The following GGA3 variants were observed in gnomAD, a reference collection of about 807,000 sequenced individuals.
The protein encoded by GGA3 is golgi associated, gamma adaptin ear containing, ARF binding protein 3.
A neutral mutation model predicts 77.5 loss-of-function variants in GGA3; 57 were observed. The ratio of observed to expected loss-of-function variants is 0.74; its 90% CI spans 0.59 to 0.92. The LOEUF is 0.92. Ranked by LOEUF, GGA3 falls within the 40% of genes least tolerant of loss-of-function variation. The probability of loss-of-function intolerance (pLI) is 0.00; values close to 1 mark genes in which losing one functional copy is unlikely to be tolerated. For missense variants in GGA3, 970 were observed against 914.9 expected (o/e 1.06, Z -0.78); for synonymous variants, 416 against 383.7 (o/e 1.08, Z -0.98).
intron 1 of GGA3, among the ~76,000 whole-genome samples, chr17:75,250,368 G>A (rs146786838): frequency 2.6e-4 from 40 of 152,218 alleles, no homozygotes; most frequent in African/African-American, 6.3e-4. Flanking sequence ...TCACTCCATC[G>A]CTAGCCTACT....
rs781196840 is a variant in GGA3 at position 75,242,081 on chromosome 17, C to T, written c.747+255G>A. ...AAAGGGAGAGAGCAGGGGTGAGCAC[C>T]GAGAGTGTGGTCTCTGGAGTCAGAC... On this transcript the variant is annotated intron_variant, in intron 8 of 16. Coordinates refer to ENST00000537686, the MANE Select transcript of GGA3 (RefSeq NM_138619.4). The T allele has an allele frequency of 9.2e-5, 53 of 575,404 alleles. 1 individual carries two copies. Among genetic ancestry groups the T allele is most frequent in the South Asian group, 2.4e-4 (12 of 49,268 alleles). 35.6% of individuals were successfully genotyped at this position (575,404 alleles called of 1,614,324 possible). A position where few individuals can be genotyped will look rare whatever the true frequency, so the allele number is the denominator to read the frequency against.
rs76985314 is a variant in GGA3, at chr17:75,255,548, C to T, written c.40+6000G>A. On this transcript the variant is annotated intron_variant, in intron 1 of 16. Transcript: ENST00000537686. The stretch of plus-strand genomic sequence containing the variant: ...CATTAAAACCTAATCACCCTTACCC[C>T]GCTCAATGCCAATATCCCATCCCAC... Among the ~76,000 whole-genome samples, 17 of 152,322 alleles carry T rather than the reference C, an allele frequency of 1.1e-4. No individual in the cohort carries two copies. The South Asian group carries it at 1.4e-3, about 13-fold the overall frequency.
At chr17:75,243,295 ACCTTAT>A (rs2076639037) in intron 5 of GGA3, 129 bp from the exon 6 acceptor site, 1 of 1,133,002 alleles carries the variant, frequency 8.8e-7, no homozygotes, top group African/African-American at 1.5e-5. Context: ...AGGCTGCTAC[ACCTTAT>A]CCCATCCAAC....
chr17:75,254,210 T>C (rs1034945982), intron 1 of GGA3, among the ~76,000 whole-genome samples: 6 of 152,030 alleles, frequency 3.9e-5, no homozygotes, highest in African/African-American at 1.5e-4. Flanking sequence ...CCATCTGACC[T>C]TTCCCCTTCT....
intron 1 of GGA3, among the ~76,000 whole-genome samples, chr17:75,249,527 T>C (rs2076887281): frequency 6.6e-6 from 1 of 152,226 alleles, no homozygotes; most frequent in African/African-American, 2.4e-5. Context: ...ACATTCCAAA[T>C]GCCAAGTCTC....
chr17:75,262,251 A>G, upstream of GGA3: 2 of 634,998 alleles, frequency 3.1e-6, no homozygotes, highest in South Asian at 3.9e-5. Context: ...GTGAATTGGG[A>G]TGGGTGTGTA....
chr17:75,239,218 C>A, intron 14 of GGA3, 135 bp from the exon 15 acceptor site: 1 of 979,016 alleles, frequency 1.0e-6, no homozygotes, highest in Non-Finnish European at 1.5e-6. Flanking sequence ...GAGAGGCGCT[C>A]AGTGAGGAGC....
At chr17:75,258,036 C>G (rs1054902763) in intron 1 of GGA3, among the ~76,000 whole-genome samples, 1 of 152,166 alleles carries the variant, frequency 6.6e-6, no homozygotes, top group Non-Finnish European at 1.5e-5. Flanking sequence ...TAATCTCCCC[C>G]ACCCTTAAGA....
In GGA3 at chr17:75,237,356, C is replaced by CCACACCACATGCCATCTGGTGA; in HGVS notation, c.*901_*922dup. 1.2e-6 allele frequency: 1 copy of CCACACCACATGCCATCTGGTGA among 848,364 alleles called. No homozygotes were observed. The highest frequency in any genetic ancestry group is 1.5e-5 in the South Asian group (1 of 68,746). The allele number at this position is 848,364 out of a possible 1,614,324, so 52.6% of individuals were successfully genotyped here. A position where few individuals can be genotyped will look rare whatever the true frequency, so the allele number is the denominator to read the frequency against. On this transcript the variant is annotated 3_prime_UTR_variant, in exon 17 of 17. Transcript: ENST00000537686. Reference sequence around the variant, plus strand: ...GGCCTCCTGTGTCCAGCCACAGGTGCCACACCACATGCCATCTGGTGAGAG... The same window carrying CCACACCACATGCCATCTGGTGA: ...GGCCTCCTGTGTCCAGCCACAGGTGCCACACCACATGCCATCTGGTGACACACCACATGCCATCTGGTGAGAG...
intron 1 of GGA3, among the ~76,000 whole-genome samples, chr17:75,258,826 T>TTG (rs1167241315): frequency 0.013 from 46 of 3,652 alleles, no homozygotes; most frequent in Non-Finnish European, 0.072. Flanking sequence ...CCATCTAGTG[T>TTG]TTTTTTTTTT....
At chr17:75,239,301 T>C in intron 14 of GGA3, 74 bp downstream of exon 14, 2 of 1,294,426 alleles carry the variant, frequency 1.5e-6, no homozygotes, top group Admixed American at 4.7e-5. Flanking sequence ...CCTGGATCCA[T>C]CCCTGTCGCA....
At position 75,241,645 on chromosome 17, in the gene GGA3, T is replaced by C. The variant is rs372544184; in HGVS notation, c.799A>G (p.Ser267Gly). 1.8e-5 allele frequency: 29 copies of C among 1,614,186 alleles called. No homozygotes were observed. The highest frequency in any genetic ancestry group is 2.4e-5 in the Non-Finnish European group (28 of 1,179,986). Residue 267 changes from serine to glycine, a missense_variant, in exon 9 of 17, where the codon AGT (serine) becomes GGT (glycine). Ser to Gly is a moderately conservative substitution (Grantham distance 56). Coordinates refer to ENST00000537686, the MANE Select transcript of GGA3 (RefSeq NM_138619.4). ...NKRRTLFKLA[S>G]ETEDNDNSLG... ...CTGTTATCATTGTCCTCAGTCTCAC[T>C]GGCGAGTTTAAATAAAGTCCGCCTC...
intron 13 of GGA3, 92 bp downstream of exon 13, chr17:75,239,697 T>A: frequency 6.6e-7 from 1 of 1,508,450 alleles, no homozygotes; most frequent in Non-Finnish European, 9.2e-7. Flanking sequence ...CTGATGGGAC[T>A]ACAAGGCACC....
Position 75,241,016 on chromosome 17 carries a change from C to A in GGA3, c.988G>T (p.Ala330Ser), listed in dbSNP as rs919471299. 8 of 1,613,980 alleles carry A rather than the reference C, an allele frequency of 5.0e-6. No individual in the cohort carries two copies. Among genetic ancestry groups the A allele is most frequent in the Admixed American group, 1.7e-5 (1 of 60,002 alleles). The change falls in exon 11 of 17, where the codon GCG (alanine) becomes TCG (serine). Residue 330 changes from alanine to serine, a missense_variant. By Grantham distance (99) the Ala-to-Ser change is moderately conservative. Coordinates refer to ENST00000537686, the MANE Select transcript of GGA3 (RefSeq NM_138619.4). ...AAACTGTTGGTCGTGTCCAGCTCCG[C>A]AAGGTCGATGAGCGTGCCTTGGTTA... ...CSNQGTLIDL[A>S]ELDTTNSLSS...
At chr17:75,242,522 T>C in intron 7 of GGA3, 49 bp from the exon 8 acceptor site, 1 of 1,610,756 alleles carries the variant, frequency 6.2e-7, no homozygotes, top group Non-Finnish European at 8.5e-7. Flanking sequence ...CTTGACTGTC[T>C]TTCCACTTCC....
intron 1 of GGA3, among the ~76,000 whole-genome samples, chr17:75,257,979 C>G (rs747859851): frequency 5.3e-5 from 8 of 152,266 alleles, no homozygotes; most frequent in Admixed American, 2.0e-4. Flanking sequence ...TGACATTCCA[C>G]CATTGTGATT....
chr17:75,239,924 A>C lies in GGA3; in HGVS notation c.1448T>G (p.Leu483Trp). The change falls in exon 13 of 17, where the codon TTG becomes TGG. Residue 483 changes from leucine to tryptophan, a missense_variant. By Grantham distance (61) the Leu-to-Trp change is moderately conservative (BLOSUM62 -2). Coordinates refer to ENST00000537686, the MANE Select transcript of GGA3 (RefSeq NM_138619.4). ...GGCTGGGGCCACTCCAGTAGAAAACAAGGAGGAGCCCGCACTGGGGGCAGG... is the reference window on the plus strand; with the variant it reads ...GGCTGGGGCCACTCCAGTAGAAAACCAGGAGGAGCCCGCACTGGGGGCAGG... ...SVPAPSAGSS[L>W]FSTGVAPALA... 6.2e-7 allele frequency: 1 copy of C among 1,607,712 alleles called. No homozygotes were observed. The highest frequency in any genetic ancestry group is 1.1e-5 in the South Asian group (1 of 90,340).
At position 75,246,581 on chromosome 17, in the gene GGA3, T is replaced by C. The variant is rs1471730020; in HGVS notation, c.129A>G (p.Pro43=). 2.5e-6 allele frequency: 4 copies of C among 1,613,852 alleles called. No individual in the cohort carries two copies. Among genetic ancestry groups the C allele is most frequent in the Non-Finnish European group, 3.4e-6 (4 of 1,179,732 alleles). ...GGGCCAGCAGTCGGACGGCGATCTG[T>C]GGCCTGGGGGACAAGCAGAACACAC... is the stretch of plus-strand genomic sequence containing the variant. The part of the protein sequence containing the change: ...CDQINKELEG[P]QIAVRLLAHK... The change falls in exon 3 of 17, where the codon CCA becomes CCG. Residue 43 remains proline, a synonymous_variant. Transcript: ENST00000537686.
At chr17:75,261,501 G>C in intron 1 of GGA3, 47 bp downstream of exon 1, 1 of 1,448,504 alleles carries the variant, frequency 6.9e-7, no homozygotes, top group Non-Finnish European at 9.2e-7. Flanking sequence ...GAAGACAGGG[G>C]CAGCCCAGCG....
Sources: gnomAD v4.1 joint callset for allele counts (sites outside exome capture counted in the v4.1 genomes callset) on GRCh38, gnomAD v4.1.1 for gene constraint, MANE v1.5 for transcripts, NCBI Gene and HGNC (gene_info 2026-07-23, HGNC 2026-07-21) for gene names.